Variants in CADPS2 observed in about 807,000 individuals in gnomAD.
CADPS2 encodes the protein calcium-dependent secretion activator 2.
A neutral mutation model predicts 172.5 loss-of-function variants in CADPS2; 93 were observed. That is an observed-to-expected ratio of 0.54 (90% CI 0.46 to 0.64). The LOEUF (loss-of-function observed/expected upper bound fraction) is 0.64. CADPS2 is among the 30% of genes least tolerant of loss of function. CADPS2 has a pLI of 0.00. For missense variants in CADPS2, 1,420 were observed against 1,565.9 expected, an observed-to-expected ratio of 0.91 and a Z score of 1.57; for synonymous variants, 546 against 555.2, an observed-to-expected ratio of 0.98 and a Z score of 0.23.
intron 4 of CADPS2, among the ~76,000 whole-genome samples, chr7:122,625,450 A>T (rs1424808753): frequency 6.6e-6 from 1 of 152,228 alleles, no homozygotes; most frequent in Non-Finnish European, 1.5e-5. Flanking sequence ...AGACGTGAAT[A>T]ACATTTACAA....
intron 1 of CADPS2, among the ~76,000 whole-genome samples, chr7:122,875,569 A>G: frequency 6.6e-6 from 1 of 152,180 alleles, no homozygotes; most frequent in Non-Finnish European, 1.5e-5. Flanking sequence ...GAAAAACTTA[A>G]ATTACATACA....
intron 1 of CADPS2, among the ~76,000 whole-genome samples, chr7:122,785,301 G>A (rs1035334666): frequency 6.6e-6 from 1 of 152,190 alleles, no homozygotes; most frequent in African/African-American, 2.4e-5. Flanking sequence ...GAGATTGTAT[G>A]ATTTTGTATA....
At chr7:122,417,071 G>T (rs1486074785) in intron 17 of CADPS2, among the ~76,000 whole-genome samples, 1 of 152,122 alleles carries the variant, frequency 6.6e-6, no homozygotes, top group East Asian at 1.9e-4. Context: ...GATTCTTCTG[G>T]GGAACTTAAA....
intron 2 of CADPS2, chr7:122,702,484 C>G: frequency 6.2e-7 from 1 of 1,613,702 alleles, no homozygotes; most frequent in Non-Finnish European, 8.5e-7. Context: ...TGAAATTGGT[C>G]AAAGGATGAC....
chr7:122,813,213 C>T (rs925594218), intron 1 of CADPS2, among the ~76,000 whole-genome samples: 1 of 152,082 alleles, frequency 6.6e-6, no homozygotes, highest in African/African-American at 2.4e-5. Flanking sequence ...ACCCTCCCTG[C>T]AAGAAGTAAG....
At chr7:122,659,992 A>G (rs1417100659) in intron 3 of CADPS2, among the ~76,000 whole-genome samples, 2 of 152,216 alleles carry the variant, frequency 1.3e-5, no homozygotes, top group African/African-American at 2.4e-5. Context: ...TTGGCCTACA[A>G]GACATGATAA....
intron 6 of CADPS2, among the ~76,000 whole-genome samples, chr7:122,594,768 C>T (rs1042455982): frequency 7.2e-5 from 11 of 151,768 alleles, no homozygotes; most frequent in Middle Eastern, 3.4e-3. Flanking sequence ...AAATTGGTCA[C>T]ATCTTGGCTT....
At chr7:122,827,125 A>G (rs1481253623) in intron 1 of CADPS2, among the ~76,000 whole-genome samples, 1 of 152,174 alleles carries the variant, frequency 6.6e-6, no homozygotes, top group Non-Finnish European at 1.5e-5. Context: ...AGCCAGTAAA[A>G]TATGAGAGAC....
At chr7:122,822,964 C>A (rs1563106374) in intron 1 of CADPS2, among the ~76,000 whole-genome samples, 1 of 152,162 alleles carries the variant, frequency 6.6e-6, no homozygotes, top group Non-Finnish European at 1.5e-5. Flanking sequence ...TCACACAAAG[C>A]CTGTTTGGTG....
At chr7:122,533,386 A>G (rs2061951343) in intron 8 of CADPS2, among the ~76,000 whole-genome samples, 1 of 152,136 alleles carries the variant, frequency 6.6e-6, no homozygotes, top group Non-Finnish European at 1.5e-5. Context: ...GCATTTTTAT[A>G]TCCATTTCTT....
intron 2 of CADPS2, among the ~76,000 whole-genome samples, chr7:122,724,281 T>A (rs1364798614): frequency 6.6e-6 from 1 of 152,058 alleles, no homozygotes; most frequent in Non-Finnish European, 1.5e-5. Context: ...GTTCATCTTT[T>A]TATTTCCAGG....
intron 7 of CADPS2, among the ~76,000 whole-genome samples, chr7:122,579,501 A>G (rs941840036): frequency 6.8e-6 from 1 of 148,124 alleles, no homozygotes; most frequent in Non-Finnish European, 1.5e-5. Context: ...TATCCAATTT[A>G]GAAACTGCTT....
chr7:122,882,867 T>A (rs1038171057), intron 1 of CADPS2, among the ~76,000 whole-genome samples: 1 of 152,124 alleles, frequency 6.6e-6, no homozygotes, highest in Non-Finnish European at 1.5e-5. Context: ...TCACTTTCAA[T>A]CACTGTTTAT....
chr7:122,881,463 T>C (rs1365337953), intron 1 of CADPS2, among the ~76,000 whole-genome samples: 1 of 152,168 alleles, frequency 6.6e-6, no homozygotes, highest in Admixed American at 6.5e-5. Context: ...TTAAGTCCAG[T>C]GTGAGGTTTT....
intron 2 of CADPS2, among the ~76,000 whole-genome samples, chr7:122,689,858 C>G (rs970337935): frequency 6.6e-6 from 1 of 152,182 alleles, no homozygotes; most frequent in Non-Finnish European, 1.5e-5. Flanking sequence ...GGGGGCACCA[C>G]GTGTTCTCCC....
chr7:122,878,273 A>G (rs957972171), intron 1 of CADPS2, among the ~76,000 whole-genome samples: 23 of 150,522 alleles, frequency 1.5e-4, no homozygotes, highest in Admixed American at 7.3e-4. Flanking sequence ...AAAAAAAAAA[A>G]AAAAAGTGGG....
rs567888145 is a variant in CADPS2 at position 122,433,094 on chromosome 7, C to T, written c.2476+5247G>A. ...GTTCACGCAGTCCTCCTGCCTCAGC[C>T]TTATGAGTAGCTGGGACTACAGGTA... On this transcript the variant is annotated intron_variant, in intron 17 of 29. Transcript: ENST00000449022. 2.0e-5 allele frequency among the ~76,000 whole-genome samples: 3 copies of T among 152,230 alleles called. No individual in the cohort carries two copies. In the South Asian group the frequency reaches 6.2e-4, roughly 32 times the overall value.
At chr7:122,499,463 G>A (rs909059597) in intron 9 of CADPS2, among the ~76,000 whole-genome samples, 8 of 152,094 alleles carry the variant, frequency 5.3e-5, no homozygotes, top group Admixed American at 3.3e-4. Flanking sequence ...CTTGACCTAC[G>A]TATTTAAAAA....
At chr7:122,721,592 C>A (rs1377411805) in intron 2 of CADPS2, among the ~76,000 whole-genome samples, 3 of 152,096 alleles carry the variant, frequency 2.0e-5, no homozygotes, top group African/African-American at 7.2e-5. Context: ...GGATTCACAG[C>A]CGAATTCTAC....
Sources: gnomAD v4.1 joint callset for allele counts (sites outside exome capture counted in the v4.1 genomes callset) on GRCh38, gnomAD v4.1.1 for gene constraint, MANE v1.5 for transcripts, NCBI Gene and HGNC (gene_info 2026-07-23, HGNC 2026-07-21) for gene names.